CSMD2: variants seen among roughly 807,000 people sequenced by gnomAD.
CSMD2 encodes the protein CUB and Sushi multiple domains 2, also known as CUB and sushi domain-containing protein 2.
In CSMD2, 130 loss-of-function variants were observed where a neutral mutation model predicts 398.5. That is an observed-to-expected ratio of 0.33 (90% CI 0.28 to 0.38). The LOEUF is 0.38. Ranked by LOEUF, CSMD2 falls within the 10% of genes least tolerant of loss-of-function variation. CSMD2 has a pLI of 1.00. For missense variants in CSMD2, 3,829 were observed against 4,764.9 expected, an observed-to-expected ratio of 0.80 and a Z score of 5.78; for synonymous variants, 1,828 against 1,908.5, an observed-to-expected ratio of 0.96 and a Z score of 1.10.
At chr1:34,121,928 C>T (rs1662225202) in intron 1 of CSMD2, among the ~76,000 whole-genome samples, 2 of 151,868 alleles carry the variant, frequency 1.3e-5, no homozygotes, top group Admixed American at 6.6e-5. Context: ...AACACAGGCA[C>T]GCCTTGATCT....
At chr1:33,890,202 T>C (rs1455218461) in intron 5 of CSMD2, among the ~76,000 whole-genome samples, 1 of 150,754 alleles carries the variant, frequency 6.6e-6, no homozygotes, top group Non-Finnish European at 1.5e-5. Flanking sequence ...TCTAAATATA[T>C]ATAAAAGAAT....
At chr1:33,753,472 A>G (rs1215258787) in intron 13 of CSMD2, among the ~76,000 whole-genome samples, 1 of 152,254 alleles carries the variant, frequency 6.6e-6, no homozygotes, top group African/African-American at 2.4e-5. Context: ...GGTGCACAGC[A>G]TGCAAGTATG....
At chr1:33,697,998 G>A (rs917810898) in intron 24 of CSMD2, among the ~76,000 whole-genome samples, 3 of 152,236 alleles carry the variant, frequency 2.0e-5, no homozygotes, top group Admixed American at 2.0e-4. Context: ...GAAGGGGGTG[G>A]AGAGAGAGAC....
chr1:33,879,577 G>A (rs183005190), intron 5 of CSMD2, among the ~76,000 whole-genome samples: 3 of 152,186 alleles, frequency 2.0e-5, no homozygotes, highest in Non-Finnish European at 4.4e-5. Flanking sequence ...AAAAATGCCA[G>A]TCCTGATGAG....
intron 1 of CSMD2, among the ~76,000 whole-genome samples, chr1:34,159,455 C>A (rs1641126752): frequency 1.3e-5 from 2 of 151,908 alleles, no homozygotes; most frequent in Admixed American, 1.3e-4. Context: ...GTGGGAAGAG[C>A]AAGGCCAAAG....
In CSMD2 at chr1:34,050,123, C is replaced by T. The variant is rs77267420; in HGVS notation, c.405-17417G>A. Among the ~76,000 whole-genome samples, 1,301 of 152,242 alleles carry T rather than the reference C, an allele frequency of 8.5e-3. 19 individuals are homozygous for T. Among genetic ancestry groups the T allele is most frequent in the East Asian group, 0.051 (265 of 5,162 alleles). ...TCTACTGTTTAAGCCACCCAGTCTA[C>T]GAGTATTTTCTGATGGCAGCCCAAA... On this transcript the variant is annotated intron_variant, in intron 2 of 70. Coordinates refer to ENST00000373381, the MANE Select transcript of CSMD2 (RefSeq NM_001281956.2).
intron 5 of CSMD2, among the ~76,000 whole-genome samples, chr1:33,895,643 G>A (rs1642334967): frequency 6.6e-6 from 1 of 152,148 alleles, no homozygotes; most frequent in Non-Finnish European, 1.5e-5. Flanking sequence ...AGGGGGACTT[G>A]GTGCAGGGAT....
At chr1:33,847,561 G>A (rs7512227) in intron 5 of CSMD2, among the ~76,000 whole-genome samples, 67,546 of 151,656 alleles carry the variant, frequency 0.45, 16,216 homozygotes, top group East Asian at 0.57. Context: ...GAAATCTTAC[G>A]CACAAAGAAT....
Position 33,693,022 on chromosome 1 carries a change from C to T in CSMD2, c.3960G>A (p.Ser1320=), listed in dbSNP as rs748847880. ...GATACCCGGGTGACAGCACCTGCCC[C>T]GACACCTCTCCTCTCACTGTCCCTC... is the stretch of plus-strand genomic sequence containing the variant. ...ECGGTVRGEV[S]GQVLSPGYPA... is the part of the protein sequence containing the mutation. Residue 1320 remains serine, a synonymous_variant, in exon 25 of 71, where the codon TCG becomes TCA. Coordinates refer to ENST00000373381, the MANE Select transcript of CSMD2 (RefSeq NM_001281956.2). The T allele has an allele frequency of 2.8e-5, 45 of 1,603,104 alleles. No homozygotes were observed. Among genetic ancestry groups the T allele is most frequent in the East Asian group, 4.6e-5 (2 of 43,502 alleles).
At chr1:33,843,298 C>T (rs1354098020) in intron 6 of CSMD2, among the ~76,000 whole-genome samples, 1 of 152,200 alleles carries the variant, frequency 6.6e-6, no homozygotes, top group African/African-American at 2.4e-5. Context: ...TTCTGATACC[C>T]TGTGGTATTA....
At chr1:33,691,305 A>G (rs1645231946) in intron 25 of CSMD2, among the ~76,000 whole-genome samples, 1 of 152,158 alleles carries the variant, frequency 6.6e-6, no homozygotes, top group Non-Finnish European at 1.5e-5. Context: ...TTCTGATCAG[A>G]GGGTGAATTG....
intron 29 of CSMD2, among the ~76,000 whole-genome samples, chr1:33,641,167 TCTTTCCTAA>T (rs1258846494): frequency 6.6e-6 from 1 of 152,196 alleles, no homozygotes; most frequent in Non-Finnish European, 1.5e-5. Flanking sequence ...CCTGTTGTTT[TCTTTCCTAA>T]CTTCTTATGC....
At chr1:33,564,039 T>C (rs943672817) in intron 53 of CSMD2, among the ~76,000 whole-genome samples, 2 of 151,538 alleles carry the variant, frequency 1.3e-5, no homozygotes, top group Non-Finnish European at 2.9e-5. Flanking sequence ...GATTCTGTAA[T>C]GTGATGGTGG....
intron 17 of CSMD2, 107 bp from the exon 18 acceptor site, chr1:33,724,811 A>G: frequency 9.5e-7 from 1 of 1,057,272 alleles, no homozygotes; most frequent in Non-Finnish European, 1.4e-6. Flanking sequence ...TAAAGGCAGA[A>G]GTTGCCAATT....
At chr1:33,820,578 A>T in intron 7 of CSMD2, 22 bp from the exon 8 acceptor site, 1 of 1,185,444 alleles carries the variant, frequency 8.4e-7, no homozygotes, top group South Asian at 1.3e-5. Context: ...AAAAAAAAAA[A>T]AAAAAAAAAA....
At chr1:33,799,711 AC>A (rs1424776242) in intron 10 of CSMD2, among the ~76,000 whole-genome samples, 1 of 152,164 alleles carries the variant, frequency 6.6e-6, no homozygotes, top group Non-Finnish European at 1.5e-5. Context: ...AGAGGGAGCA[AC>A]CTTCTTGTGA....
intron 3 of CSMD2, among the ~76,000 whole-genome samples, chr1:33,987,449 T>C (rs1325827261): frequency 6.6e-6 from 1 of 152,192 alleles, no homozygotes; most frequent in Non-Finnish European, 1.5e-5. Flanking sequence ...CAAGTGCTAC[T>C]GCTAAAGTTT....
intron 5 of CSMD2, among the ~76,000 whole-genome samples, chr1:33,848,742 C>A (rs746587166): frequency 2.0e-5 from 3 of 152,010 alleles, no homozygotes; most frequent in Non-Finnish European, 2.9e-5. Flanking sequence ...TTCACCAGAT[C>A]CCATTTAAAA....
intron 10 of CSMD2, among the ~76,000 whole-genome samples, chr1:33,806,947 A>G (rs1886636): frequency 0.12 from 17,630 of 152,230 alleles, 1,213 homozygotes; most frequent in East Asian, 0.27. Context: ...ATTTGAAAAG[A>G]TAATGGGTAA....
Sources: gnomAD v4.1 joint callset for allele counts (sites outside exome capture counted in the v4.1 genomes callset) on GRCh38, gnomAD v4.1.1 for gene constraint, MANE v1.5 for transcripts, NCBI Gene and HGNC (gene_info 2026-07-23, HGNC 2026-07-21) for gene names.